HMGB1: variants seen among roughly 807,000 people sequenced by gnomAD.
The protein encoded by HMGB1 is high mobility group box 1.
For missense variants in HMGB1, 79 were observed against 253.5 expected (o/e 0.31, Z 4.67); for synonymous variants, 81 against 84.0 (o/e 0.96, Z 0.19).
chr13:30,554,304 C>T lies in HMGB1; in HGVS notation c.-15+62367G>A, dbSNP rs185826266. On this transcript the variant is annotated intron_variant, in intron 1 of 4. Coordinates refer to the HMGB1 transcript ENST00000405805. ...TCCTTGAACCCTGACCATGGGCCTG[C>T]AGTGATCCATTGTAGCGAAGGCACT... is the stretch of plus-strand genomic sequence containing the variant. 1,459 of 1,097,084 alleles carry T rather than the reference C, an allele frequency of 1.3e-3. 1 individual carries two copies. Among genetic ancestry groups the T allele is most frequent in the Non-Finnish European group, 1.9e-3 (1,325 of 708,966 alleles). 68.0% of individuals were successfully genotyped at this position (1,097,084 alleles called of 1,614,324 possible).
intron 1 of HMGB1, among the ~76,000 whole-genome samples, chr13:30,586,421 A>G (rs188104625): frequency 5.3e-5 from 8 of 151,504 alleles, no homozygotes; most frequent in African/African-American, 1.2e-4. Flanking sequence ...GGCGATGTCA[A>G]TCAGTCCCAT....
intron 1 of HMGB1, among the ~76,000 whole-genome samples, chr13:30,482,897 C>T (rs1413567549): frequency 1.3e-5 from 2 of 151,854 alleles, no homozygotes; most frequent in Non-Finnish European, 1.5e-5. Flanking sequence ...AAGCCATCCT[C>T]ATGCCTCAGC....
intron 1 of HMGB1, among the ~76,000 whole-genome samples, chr13:30,561,519 G>C (rs9506340): frequency 0.2 from 30,969 of 152,010 alleles, 5,211 homozygotes; most frequent in African/African-American, 0.46. Flanking sequence ...CTGCTGCCAA[G>C]TAGTCAGCCA....
chr13:30,507,728 C>T (rs532970567), intron 1 of HMGB1, among the ~76,000 whole-genome samples: 47 of 152,264 alleles, frequency 3.1e-4, no homozygotes, highest in Non-Finnish European at 5.7e-4. Context: ...ATTACAAGAG[C>T]CAGAGTTGGA....
chr13:30,509,530 G>C (rs537662682), intron 1 of HMGB1, among the ~76,000 whole-genome samples: 63 of 152,024 alleles, frequency 4.1e-4, no homozygotes, highest in Non-Finnish European at 6.3e-4. Flanking sequence ...GAGCCACCAC[G>C]CCTGGCCGTG....
At chr13:30,462,772 A>C in intron 3 of HMGB1, 60 bp from the exon 4 acceptor site, 2 of 1,363,684 alleles carry the variant, frequency 1.5e-6, no homozygotes, top group Non-Finnish European at 2.1e-6. Flanking sequence ...AAATACTATC[A>C]AGTGTACACT....
At chr13:30,585,362 A>G (rs1871098494) in intron 1 of HMGB1, among the ~76,000 whole-genome samples, 1 of 152,038 alleles carries the variant, frequency 6.6e-6, no homozygotes, top group African/African-American at 2.4e-5. Context: ...AAAAAAACCC[A>G]ATGCATTGCT....
intron 1 of HMGB1, among the ~76,000 whole-genome samples, chr13:30,563,461 T>C (rs1870048993): frequency 6.6e-6 from 1 of 151,958 alleles, no homozygotes. Context: ...ATTTTAAAAT[T>C]AGCTGGGTGT....
intron 1 of HMGB1, among the ~76,000 whole-genome samples, chr13:30,557,897 T>A (rs1246957201): frequency 6.6e-6 from 1 of 152,206 alleles, no homozygotes; most frequent in African/African-American, 2.4e-5. Flanking sequence ...ATCAATTCGG[T>A]ATGTGTTCAT....
At chr13:30,572,287 T>A (rs563482691) in intron 1 of HMGB1, among the ~76,000 whole-genome samples, 1 of 152,310 alleles carries the variant, frequency 6.6e-6, no homozygotes, top group Admixed American at 6.5e-5. Context: ...AGAGATAAAG[T>A]GTTCAACTTA....
At chr13:30,594,595 T>A (rs994638415) in intron 1 of HMGB1, among the ~76,000 whole-genome samples, 1 of 152,252 alleles carries the variant, frequency 6.6e-6, no homozygotes, top group Non-Finnish European at 1.5e-5. Context: ...TTCCATGTTG[T>A]ATAGGTAACA....
At chr13:30,481,178 C>CA (rs1198852412) in intron 1 of HMGB1, among the ~76,000 whole-genome samples, 5 of 150,900 alleles carry the variant, frequency 3.3e-5, no homozygotes, top group East Asian at 1.9e-4. Flanking sequence ...TTAGAAGACT[C>CA]AAAAAAACAC....
intron 1 of HMGB1, among the ~76,000 whole-genome samples, chr13:30,554,947 T>C (rs1276808617): frequency 6.6e-6 from 1 of 151,978 alleles, no homozygotes; most frequent in Non-Finnish European, 1.5e-5. Context: ...CAGTTGTTTG[T>C]TTACAAAGTA....
intron 1 of HMGB1, among the ~76,000 whole-genome samples, chr13:30,612,188 TATAC>T (rs1950518891): frequency 6.6e-6 from 1 of 152,156 alleles, no homozygotes; most frequent in South Asian, 2.1e-4. Flanking sequence ...TACATGTATA[TATAC>T]ATATACACAT....
At chr13:30,615,130 C>T (rs373413459) in intron 1 of HMGB1, among the ~76,000 whole-genome samples, 2 of 152,156 alleles carry the variant, frequency 1.3e-5, no homozygotes, top group African/African-American at 4.8e-5. Flanking sequence ...CTGTGCATAC[C>T]TCTATCATTG....
At chr13:30,491,984 A>T (rs953967995) in intron 1 of HMGB1, among the ~76,000 whole-genome samples, 2 of 151,736 alleles carry the variant, frequency 1.3e-5, no homozygotes, top group Admixed American at 6.6e-5. Flanking sequence ...CTGGCTAACA[A>T]GGTGAAACCC....
rs1326278827 is a variant in HMGB1, at chr13:30,464,387, T to A, written c.-14-693A>T. The A allele has an allele frequency of 4.1e-6, 4 of 985,352 alleles. No individual in the cohort carries two copies. In the African/African-American group the frequency reaches 7.0e-5, roughly 17 times the overall value. 61.0% of individuals were successfully genotyped at this position (985,352 alleles called of 1,614,324 possible). ...AAGGATGAGGGACAAAAGCCACTCC[T>A]GCTCGTGGCTCGGTGGCCCCCTCCC... On this transcript the variant is annotated intron_variant, in intron 1 of 4. Coordinates refer to ENST00000341423, the MANE Select transcript of HMGB1 (RefSeq NM_002128.7).
chr13:30,595,476 T>C (rs1259140995), intron 1 of HMGB1, among the ~76,000 whole-genome samples: 2 of 152,178 alleles, frequency 1.3e-5, no homozygotes, highest in African/African-American at 4.8e-5. Flanking sequence ...ATATATACAA[T>C]GATCTGAGAA....
rs1359169579 is a variant in HMGB1 at position 30,509,809 on chromosome 13, C to T, written c.-14-46115G>A. Among the ~76,000 whole-genome samples, 8 of 152,254 alleles carry T rather than the reference C, an allele frequency of 5.3e-5. No homozygotes were observed. The East Asian group carries it at 1.3e-3, about 26-fold the overall frequency. ...ATTCACTGGATCTAAAATAAACCCG[C>T]GGTGTAGATACTATCTTCTTCATTT... On this transcript the variant is annotated intron_variant, in intron 1 of 4. Coordinates refer to the HMGB1 transcript ENST00000405805.
Sources: gnomAD v4.1 joint callset for allele counts (sites outside exome capture counted in the v4.1 genomes callset) on GRCh38, gnomAD v4.1.1 for gene constraint, MANE v1.5 for transcripts, NCBI Gene and HGNC (gene_info 2026-07-23, HGNC 2026-07-21) for gene names.